Variants in TRIM23 observed in about 807,000 individuals in gnomAD.
The protein encoded by TRIM23 is tripartite motif containing 23.
TRIM23 carries 27 observed loss-of-function variants against 71.0 expected under a neutral mutation model. That is an observed-to-expected ratio of 0.38 (90% CI 0.28 to 0.52). TRIM23 has a LOEUF of 0.52. Among genes scored for constraint, TRIM23 ranks in the 20% least tolerant of loss-of-function variants. TRIM23 has a pLI of 0.84. For missense variants in TRIM23, 482 were observed against 692.3 expected (o/e 0.70, Z 3.41); for synonymous variants, 234 against 238.0 (o/e 0.98, Z 0.16).
intron 3 of TRIM23, among the ~76,000 whole-genome samples, chr5:65,612,112 G>A (rs1754666483): frequency 6.6e-6 from 1 of 152,140 alleles, no homozygotes; most frequent in Non-Finnish European, 1.5e-5. Flanking sequence ...TGAATTTGAA[G>A]CCAAAAATAG....
intron 1 of TRIM23, among the ~76,000 whole-genome samples, chr5:65,622,197 A>G (rs1387010729): frequency 6.6e-6 from 1 of 151,978 alleles, no homozygotes. Context: ...ATGGAGTCTC[A>G]CTCTGTCACC....
At position 65,591,443 on chromosome 5, in the gene TRIM23, CT is replaced by C; in HGVS notation, c.*325del. On this transcript the variant is annotated 3_prime_UTR_variant, in exon 11 of 11. Transcript: ENST00000231524. ...TTTTCACTGAAAGAATAAACCTTCA[CT>C]TACCCTTTCTCTGTGACTACCTCTT... 6.3e-7 allele frequency: 1 copy of C among 1,595,426 alleles called. No homozygotes were observed. Among genetic ancestry groups the C allele is most frequent in the Non-Finnish European group, 8.5e-7 (1 of 1,171,986 alleles).
At chr5:65,618,726 TAAGAA>T (rs1317317108) in intron 1 of TRIM23, among the ~76,000 whole-genome samples, 3 of 152,338 alleles carry the variant, frequency 2.0e-5, no homozygotes, top group East Asian at 3.9e-4. Flanking sequence ...AAGAACTTGT[TAAGAA>T]AAGACTGCAA....
At chr5:65,594,803 A>G (rs1754152052) in intron 9 of TRIM23, among the ~76,000 whole-genome samples, 158 bp from the exon 10 acceptor site, 1 of 152,230 alleles carries the variant, frequency 6.6e-6, no homozygotes, top group Non-Finnish European at 1.5e-5. Context: ...GGCACCTACA[A>G]ATAATTAACA....
At chr5:65,597,239 G>A (rs947180158) in intron 7 of TRIM23, 59 bp from the exon 8 acceptor site, 1 of 1,538,576 alleles carries the variant, frequency 6.5e-7, no homozygotes, top group Non-Finnish European at 8.9e-7. Context: ...ATAGCATTTA[G>A]CACCTTTATT....
intron 2 of TRIM23, 51 bp downstream of exon 2, chr5:65,618,042 G>A: frequency 6.7e-7 from 1 of 1,492,232 alleles, no homozygotes; most frequent in Non-Finnish European, 9.0e-7. Context: ...TATGACATTT[G>A]CATTACATGA....
At position 65,590,149 on chromosome 5, in the gene TRIM23, CTTCAA is replaced by C. The variant is rs1468743523; in HGVS notation, c.*1615_*1619del. On this transcript the variant is annotated 3_prime_UTR_variant, in exon 11 of 11. Coordinates refer to ENST00000231524, the MANE Select transcript of TRIM23 (RefSeq NM_001656.4). ...AGTTCACCTTAGTGTTACACTTTTT[CTTCAA>C]TTAACTAGTAAACAGTTCAAGTTCT... 6 of 540,660 alleles carry C rather than the reference CTTCAA, an allele frequency of 1.1e-5. No homozygotes were observed. In the African/African-American group the frequency reaches 1.2e-4, roughly 11 times the overall value. 33.5% of individuals were successfully genotyped at this position (540,660 alleles called of 1,614,324 possible).
Position 65,591,651 on chromosome 5 carries a change from A to ATATG in TRIM23, c.*117_*118insCATA, listed in dbSNP as rs1375622372. On this transcript the variant is annotated 3_prime_UTR_variant, in exon 11 of 11. Transcript: ENST00000231524. ...TTCCCAATCCAAGATTCCTTTATAT[A>ATATG]TATATATATATATATGCATCCTAAA... The ATATG allele has an allele frequency of 1.1e-6, 1 of 875,728 alleles. No individual in the cohort carries two copies. The allele number at this position is 875,728 out of a possible 1,614,324, so 54.2% of individuals were successfully genotyped here.
chr5:65,602,551 C>T (rs190873470), intron 7 of TRIM23, among the ~76,000 whole-genome samples: 296 of 152,310 alleles, frequency 1.9e-3, no homozygotes, highest in African/African-American at 6.8e-3. Flanking sequence ...GTTGCCTGCA[C>T]ATTTTTGGGT....
chr5:65,597,625 T>A (rs186711127), intron 7 of TRIM23, among the ~76,000 whole-genome samples: 4,900 of 152,122 alleles, frequency 0.032, 207 homozygotes, highest in African/African-American at 0.1. Context: ...AATTTTTTTT[T>A]AAAAAAGTAT....
chr5:65,613,869 A>C, intron 3 of TRIM23: 1 of 1,435,422 alleles, frequency 7.0e-7, no homozygotes, highest in African/African-American at 1.4e-5. Context: ...AATTATGATA[A>C]GGAAAAAAAA....
At position 65,616,100 on chromosome 5, in the gene TRIM23, G is replaced by A. The variant is rs75953912; in HGVS notation, c.245-1881C>T. Reference sequence around the variant, plus strand: ...ATCAATGAACATCACACAGTGATGCGTAAGAGGGCAAGGAAGTGTAATTTC... The same window carrying A: ...ATCAATGAACATCACACAGTGATGCATAAGAGGGCAAGGAAGTGTAATTTC... On this transcript the variant is annotated intron_variant, in intron 2 of 10. Transcript: ENST00000231524. 9.7e-3 allele frequency among the ~76,000 whole-genome samples: 1,478 copies of A among 152,324 alleles called. 26 individuals are homozygous for A. The highest frequency in any genetic ancestry group is 0.034 in the African/African-American group (1,393 of 41,564).
intron 1 of TRIM23, among the ~76,000 whole-genome samples, chr5:65,619,638 T>C (rs1374552566): frequency 6.6e-6 from 1 of 152,160 alleles, no homozygotes; most frequent in Non-Finnish European, 1.5e-5. Context: ...CTTATCATGG[T>C]TCAAAAGAAA....
At chr5:65,614,699 C>T (rs1015455409) in intron 2 of TRIM23, among the ~76,000 whole-genome samples, 2 of 147,644 alleles carry the variant, frequency 1.4e-5, no homozygotes, top group Admixed American at 1.4e-4. Context: ...CACACCACTG[C>T]ACTCCAATCT....
Position 65,597,173 on chromosome 5 carries a change from C to T in TRIM23, c.1187G>A (p.Arg396Gln), listed in dbSNP as rs1223357558. 5.6e-6 allele frequency: 9 copies of T among 1,613,744 alleles called. No homozygotes were observed. The change falls in exon 8 of 11, where the codon CGA becomes CAA. Residue 396 changes from arginine to glutamine, a missense_variant. Transcript: ENST00000231524. ...SIPVTFTKDN[R>Q]VHIGPKMEIR... The stretch of plus-strand genomic sequence containing the variant: ...TTCCATTTTTGGTCCAATGTGAACT[C>T]GATTATCCTACAATTTAAATATTTT...
chr5:65,593,280 C>G (rs1269271997), intron 10 of TRIM23, among the ~76,000 whole-genome samples: 2 of 151,988 alleles, frequency 1.3e-5, no homozygotes, highest in African/African-American at 4.8e-5. Context: ...ACTAAAAATA[C>G]AAAAGTTAGC....
At chr5:65,597,840 T>A (rs955746232) in intron 7 of TRIM23, among the ~76,000 whole-genome samples, 1 of 152,198 alleles carries the variant, frequency 6.6e-6, no homozygotes, top group Non-Finnish European at 1.5e-5. Flanking sequence ...TATATATTAC[T>A]AGCTGCATGA....
intron 7 of TRIM23, among the ~76,000 whole-genome samples, chr5:65,602,500 C>T (rs944447991): frequency 9.9e-5 from 15 of 152,156 alleles, no homozygotes; most frequent in Non-Finnish European, 2.2e-4. Flanking sequence ...CTTCTTAGCC[C>T]TCCAAACTGT....
At chr5:65,623,280 T>C (rs1474859277) in intron 1 of TRIM23, among the ~76,000 whole-genome samples, 1 of 152,212 alleles carries the variant, frequency 6.6e-6, no homozygotes, top group African/African-American at 2.4e-5. Flanking sequence ...TAAAATATAC[T>C]GATGTCAACC....
Sources: gnomAD v4.1 joint callset for allele counts (sites outside exome capture counted in the v4.1 genomes callset) on GRCh38, gnomAD v4.1.1 for gene constraint, MANE v1.5 for transcripts, NCBI Gene and HGNC (gene_info 2026-07-23, HGNC 2026-07-21) for gene names.